The following ZDHHC24 variants were observed in gnomAD, a reference collection of about 807,000 sequenced individuals.
The protein encoded by ZDHHC24 is zDHHC palmitoyltransferase 24.
A neutral mutation model predicts 23.2 loss-of-function variants in ZDHHC24; 17 were observed. That is an observed-to-expected ratio of 0.73 (90% CI 0.50 to 1.10). The LOEUF (loss-of-function observed/expected upper bound fraction) is 1.10, where lower values mean the gene tolerates loss of function less well. Among genes scored for constraint, ZDHHC24 ranks in the 50% least tolerant of loss-of-function variants. ZDHHC24 has a pLI of 0.00. For synonymous variants in ZDHHC24, 186 were observed against 194.5 expected, an observed-to-expected ratio of 0.96 and a Z score of 0.36; for missense variants, 366 against 393.0, an observed-to-expected ratio of 0.93 and a Z score of 0.58.
At chr11:66,526,509 T>C (rs1228722814) in intron 4 of ZDHHC24, 5 of 1,062,198 alleles carry the variant, frequency 4.7e-6, no homozygotes, top group African/African-American at 3.1e-5. Flanking sequence ...TGCACTTTGT[T>C]ACTTCCAGAA....
At chr11:66,529,280 G>C (rs1565289270) in intron 3 of ZDHHC24, 2 of 1,533,996 alleles carry the variant, frequency 1.3e-6, no homozygotes, top group Non-Finnish European at 1.7e-6. Flanking sequence ...TAGGTGACTT[G>C]ATGGACAGGG....
chr11:66,526,361 G>C (rs1856490854), intron 4 of ZDHHC24, among the ~76,000 whole-genome samples: 1 of 152,242 alleles, frequency 6.6e-6, no homozygotes, highest in Non-Finnish European at 1.5e-5. Context: ...GACAGCCCAA[G>C]GGCTGGGTCC....
chr11:66,539,908 G>A, intron 2 of ZDHHC24, 84 bp from the exon 3 acceptor site: 2 of 1,335,654 alleles, frequency 1.5e-6, no homozygotes, highest in South Asian at 1.5e-5. Flanking sequence ...CACAAAGCAG[G>A]GCTCATTCCT....
At position 66,538,189 on chromosome 11, in the gene ZDHHC24, A is replaced by C. The variant is rs1157180713; in HGVS notation, c.*1340T>G. 6.6e-6 allele frequency: 1 copy of C among 152,144 alleles called. No homozygotes were observed. Among genetic ancestry groups the C allele is most frequent in the East Asian group, 1.9e-4 (1 of 5,142 alleles). The allele number at this position is 152,144 out of a possible 1,614,324, so 9.4% of individuals were successfully genotyped here. ...AAGGCGGGCGGATCACAAGGTCACG[A>C]GTTTGAGACCTGCCTGGCCAACATG... On this transcript the variant is annotated 3_prime_UTR_variant, in exon 3 of 3. Coordinates refer to ENST00000310442, the MANE Select transcript of ZDHHC24 (RefSeq NM_207340.3).
At position 66,537,598 on chromosome 11, in the gene ZDHHC24, G is replaced by A. The variant is rs1857008216; in HGVS notation, c.*1931C>T. 6.9e-6 allele frequency: 1 copy of A among 145,532 alleles called. No homozygotes were observed. The highest frequency in any genetic ancestry group is 2.0e-4 in the East Asian group (1 of 5,018). 9.0% of individuals were successfully genotyped at this position (145,532 alleles called of 1,614,324 possible). A position where few individuals can be genotyped will look rare whatever the true frequency, so the allele number is the denominator to read the frequency against. ...CACCTGTAATCCCAGCACTTTGGGA[G>A]GCCAAGGCGGGCAGATCACGAGGTC... On this transcript the variant is annotated 3_prime_UTR_variant, in exon 3 of 3. Coordinates refer to ENST00000310442, the MANE Select transcript of ZDHHC24 (RefSeq NM_207340.3).
intron 4 of ZDHHC24, among the ~76,000 whole-genome samples, chr11:66,521,986 C>T (rs968049921): frequency 6.8e-6 from 1 of 147,100 alleles, no homozygotes; most frequent in Non-Finnish European, 1.5e-5. Context: ...TGGAGGCCAA[C>T]GTGGGTGGAT....
chr11:66,522,287 C>T (rs934749394), intron 4 of ZDHHC24, among the ~76,000 whole-genome samples: 3 of 150,858 alleles, frequency 2.0e-5, no homozygotes, highest in Non-Finnish European at 4.4e-5. Context: ...TTCTAGGGTA[C>T]ATGACATGAC....
chr11:66,523,102 G>C (rs1313107089), intron 4 of ZDHHC24: 5 of 473,520 alleles, frequency 1.1e-5, no homozygotes, highest in Non-Finnish European at 2.1e-5. Flanking sequence ...TCATAATAAA[G>C]TGCCTAAGTC....
Position 66,539,823 on chromosome 11 carries a change from G to A in ZDHHC24, c.561C>T (p.Gly187=), listed in dbSNP as rs761716300. 2 of 1,594,174 alleles carry A rather than the reference G, an allele frequency of 1.3e-6. No homozygotes were observed. Among genetic ancestry groups the A allele is most frequent in the Non-Finnish European group, 1.7e-6 (2 of 1,168,818 alleles). The change falls in exon 3 of 3, where the codon GGC becomes GGT. Residue 187 remains glycine, a splice_region_variant and synonymous_variant. Transcript: ENST00000310442. ...AGGCAAACTGTGCCAGAGACACTCT[G>A]CCTGCAATAAAAGAGCAGAGAGGGT... ...LLLPWLMLLT[G]RVSLAQFALA... is the part of the protein sequence containing the mutation.
exon 5 of ZDHHC24, chr11:66,521,371 G>A: frequency 6.2e-7 from 1 of 1,613,874 alleles, no homozygotes; most frequent in East Asian, 2.2e-5. Context: ...TCTATATTCT[G>A]AGAAGGTAGC....
At chr11:66,524,490 T>G (rs1590768840) in intron 4 of ZDHHC24, among the ~76,000 whole-genome samples, 2 of 145,104 alleles carry the variant, frequency 1.4e-5, no homozygotes, top group African/African-American at 2.6e-5. Flanking sequence ...GGGTGGGGGG[T>G]GAGATAAATG....
chr11:66,541,520 C>A (rs932084063), intron 2 of ZDHHC24, among the ~76,000 whole-genome samples: 5 of 152,072 alleles, frequency 3.3e-5, no homozygotes, highest in Admixed American at 2.6e-4. Flanking sequence ...CCAGGCTGGA[C>A]AAACAGTTCT....
chr11:66,544,876 T>C (rs1488254698), intron 1 of ZDHHC24, among the ~76,000 whole-genome samples: 1 of 152,154 alleles, frequency 6.6e-6, no homozygotes, highest in African/African-American at 2.4e-5. Flanking sequence ...GTGTAATTTT[T>C]TTTTCTAATT....
exon 4 of ZDHHC24, chr11:66,526,951 G>A (rs778259618): frequency 7.0e-6 from 11 of 1,574,824 alleles, no homozygotes; most frequent in Non-Finnish European, 8.6e-6. Context: ...CAAATCCAGG[G>A]ACAGCCTAGG....
intron 4 of ZDHHC24, chr11:66,526,933 C>T (rs1396682116): frequency 2.5e-6 from 4 of 1,596,452 alleles, no homozygotes; most frequent in African/African-American, 1.3e-5. Flanking sequence ...GTAGGTCACT[C>T]ACCTCTGCAA....
intron 3 of ZDHHC24, among the ~76,000 whole-genome samples, chr11:66,528,702 C>T (rs575153987): frequency 2.0e-5 from 3 of 152,160 alleles, no homozygotes; most frequent in Admixed American, 6.5e-5. Context: ...GGTGCGGTGG[C>T]TCACACCTGT....
At chr11:66,528,767 G>A (rs1167955529) in intron 3 of ZDHHC24, among the ~76,000 whole-genome samples, 3 of 151,904 alleles carry the variant, frequency 2.0e-5, no homozygotes, top group East Asian at 3.9e-4. Context: ...TCAGGAGTTC[G>A]AGACCAGCCT....
At chr11:66,540,218 G>A (rs1857109833) in intron 2 of ZDHHC24, among the ~76,000 whole-genome samples, 2 of 152,090 alleles carry the variant, frequency 1.3e-5, no homozygotes, top group South Asian at 4.1e-4. Context: ...AGGAATTTGA[G>A]ACCAGCCTTG....
At chr11:66,540,638 T>C (rs28637515) in intron 2 of ZDHHC24, among the ~76,000 whole-genome samples, 3 of 148,600 alleles carry the variant, frequency 2.0e-5, no homozygotes, top group African/African-American at 7.5e-5. Flanking sequence ...TGAGGCAGGA[T>C]AATCGCTTGA....
Sources: gnomAD v4.1 joint callset for allele counts (sites outside exome capture counted in the v4.1 genomes callset) on GRCh38, gnomAD v4.1.1 for gene constraint, MANE v1.5 for transcripts, NCBI Gene and HGNC (gene_info 2026-07-23, HGNC 2026-07-21) for gene names.